ZMAT1: variants seen among roughly 807,000 people sequenced by gnomAD.
ZMAT1 encodes the protein zinc finger matrin-type protein 1.
ZMAT1 carries 11 observed loss-of-function variants against 18.5 expected under a neutral mutation model. The ratio of observed to expected loss-of-function variants is 0.59; its 90% CI spans 0.37 to 0.98. The LOEUF (loss-of-function observed/expected upper bound fraction) is 0.98. ZMAT1 is among the 50% of genes least tolerant of loss of function. ZMAT1 has a pLI of 0.01. For missense variants in ZMAT1, 525 were observed against 496.2 expected, an observed-to-expected ratio of 1.06 and a Z score of -0.55; for synonymous variants, 211 against 176.4, an observed-to-expected ratio of 1.20 and a Z score of -1.55.
rs1347736462 is a variant in ZMAT1, at chrX:101,886,634, A to T, written c.774T>A (p.Ile258=). 2.5e-6 allele frequency: 3 copies of T among 1,194,684 alleles called. No homozygotes were observed. In the East Asian group the frequency reaches 8.9e-5, roughly 35 times the overall value. Residue 258 remains isoleucine (I), a splice_region_variant and synonymous_variant, in exon 5 of 6, where the codon ATT becomes ATA. Transcript: ENST00000651725. Reference sequence around the variant, plus strand: ...AAAATTTTGGCAAAAATACTTACTTAATTTGATGTTCACTTCCTTGCATGT... The same window carrying T: ...AAAATTTTGGCAAAAATACTTACTTTATTTGATGTTCACTTCCTTGCATGT... ...RSHMQGSEHQ[I]KESIVINLVK...
chrX:101,890,931 TG>T (rs1927342454), intron 4 of ZMAT1, among the ~76,000 whole-genome samples: 1 of 111,156 alleles, frequency 9.0e-6, no homozygotes, highest in African/African-American at 3.3e-5. Flanking sequence ...AGAGGCAAAA[TG>T]GGTCAGATCA....
At chrX:101,922,544 C>T (rs1432156115) in intron 1 of ZMAT1, among the ~76,000 whole-genome samples, 8 of 110,372 alleles carry the variant, frequency 7.2e-5, no homozygotes, top group Non-Finnish European at 1.5e-4. Context: ...AGGCGTGCAC[C>T]ACCATGCCCG....
At chrX:101,890,521 T>C (rs187774436) in intron 4 of ZMAT1, among the ~76,000 whole-genome samples, 32 of 111,411 alleles carry the variant, frequency 2.9e-4, no homozygotes, top group Admixed American at 1.2e-3. Context: ...TCCAAATAAT[T>C]GGTTTAACAA....
chrX:101,883,262 C>G lies in ZMAT1; in HGVS notation c.*248G>C, dbSNP rs1926610142. 3.9e-6 allele frequency: 1 copy of G among 253,907 alleles called. No individual in the cohort carries two copies. The highest frequency in any genetic ancestry group is 2.9e-5 in the African/African-American group (1 of 35,035). The allele number at this position is 253,907 out of a possible 1,213,427, so 20.9% of individuals were successfully genotyped here. A position where few individuals can be genotyped will look rare whatever the true frequency, so the allele number is the denominator to read the frequency against. ...TCCAAAACACAGATTCTTGTCTTTTCTGTAACAGGTTTCCTTTTCTCTTAT... is the reference window on the plus strand; with the variant it reads ...TCCAAAACACAGATTCTTGTCTTTTGTGTAACAGGTTTCCTTTTCTCTTAT... On this transcript the variant is annotated 3_prime_UTR_variant, in exon 6 of 6. Transcript: ENST00000651725.
Position 101,883,389 on chromosome X carries a change from T to C in ZMAT1, c.*121A>G. On this transcript the variant is annotated 3_prime_UTR_variant, in exon 6 of 6. Coordinates refer to ENST00000651725, the MANE Select transcript of ZMAT1 (RefSeq NM_001394560.1). Reference sequence around the variant, plus strand: ...AATTTTTATACAAAAAAAACCTAAGTGTCCTGAAGTGACACTGACTGTATC... The same window carrying C: ...AATTTTTATACAAAAAAAACCTAAGCGTCCTGAAGTGACACTGACTGTATC... The C allele has an allele frequency of 4.3e-6, 2 of 469,170 alleles. No homozygotes were observed. The highest frequency in any genetic ancestry group is 6.4e-6 in the Non-Finnish European group (2 of 314,732). The allele number at this position is 469,170 out of a possible 1,213,427, so 38.7% of individuals were successfully genotyped here. A position where few individuals can be genotyped will look rare whatever the true frequency, so the allele number is the denominator to read the frequency against.
intron 1 of ZMAT1, among the ~76,000 whole-genome samples, chrX:101,917,407 C>T (rs186146212): frequency 3.2e-3 from 358 of 112,497 alleles, no homozygotes; most frequent in South Asian, 7.2e-3. Context: ...CAAAACAAGA[C>T]ATACAAATGG....
intron 4 of ZMAT1, chrX:101,894,749 T>C (rs1927678375): frequency 5.3e-6 from 4 of 752,101 alleles, no homozygotes; most frequent in Middle Eastern, 7.6e-4. Context: ...TGACAAAGAA[T>C]AGAGCTTCAA....
intron 4 of ZMAT1, among the ~76,000 whole-genome samples, chrX:101,893,277 T>C (rs1927555560): frequency 9.0e-6 from 1 of 111,627 alleles, no homozygotes; most frequent in Non-Finnish European, 1.9e-5. Flanking sequence ...AGTTCAAATT[T>C]ACCTAATGCT....
Position 101,883,858 on chromosome X carries a change from T to C in ZMAT1, c.1740A>G (p.Ser580=). Residue 580 remains serine, a synonymous_variant, in exon 6 of 6, where the codon TCA becomes TCG. Coordinates refer to ENST00000651725, the MANE Select transcript of ZMAT1 (RefSeq NM_001394560.1). ...CTTGATGGTCAGCAGTATTGTTTTC[T>C]GAAGAGAGGTGCTTGTAAACTTCAG... is the stretch of plus-strand genomic sequence containing the variant. ...VESEVYKHLS[S]ENNTADHQAG... 8.3e-7 allele frequency: 1 copy of C among 1,210,526 alleles called. No homozygotes were observed. The highest frequency in any genetic ancestry group is 2.3e-4 in the Middle Eastern group (1 of 4,343).
At chrX:101,910,561 T>A (rs1928895675) in intron 1 of ZMAT1, among the ~76,000 whole-genome samples, 1 of 112,294 alleles carries the variant, frequency 8.9e-6, no homozygotes, top group African/African-American at 3.2e-5. Context: ...TTGTATCAGA[T>A]AAATTTAACA....
chrX:101,910,267 C>A (rs1445942116), intron 1 of ZMAT1, among the ~76,000 whole-genome samples: 1 of 112,349 alleles, frequency 8.9e-6, no homozygotes, highest in Non-Finnish European at 1.9e-5. Context: ...ACACCCAGGT[C>A]CTTTCAAATA....
At chrX:101,931,412 G>A in intron 1 of ZMAT1, 1 of 746,944 alleles carries the variant, frequency 1.3e-6, no homozygotes, top group Non-Finnish European at 1.6e-6. Flanking sequence ...TCCTGGCTGG[G>A]AGAGAAATTA....
intron 1 of ZMAT1, among the ~76,000 whole-genome samples, chrX:101,913,020 GA>G (rs901304624): frequency 1.8e-5 from 2 of 109,633 alleles, no homozygotes; most frequent in African/African-American, 3.3e-5. Flanking sequence ...ATTCATGTTA[GA>G]AAAAAAAAGT....
At chrX:101,913,984 T>A (rs187479635) in intron 1 of ZMAT1, among the ~76,000 whole-genome samples, 1 of 111,690 alleles carries the variant, frequency 9.0e-6, no homozygotes, top group Admixed American at 9.5e-5. Flanking sequence ...TGAAATAATA[T>A]CAAGCATCTT....
intron 1 of ZMAT1, among the ~76,000 whole-genome samples, chrX:101,910,449 C>G (rs1438991186): frequency 1.8e-5 from 2 of 112,692 alleles, no homozygotes; most frequent in Non-Finnish European, 3.7e-5. Context: ...GGGACCAATC[C>G]TGGAGAAACA....
At position 101,882,362 on chromosome X, in the gene ZMAT1, G is replaced by A. The variant is rs1224988968; in HGVS notation, c.*1148C>T. 9.0e-6 allele frequency: 1 copy of A among 111,440 alleles called. No homozygotes were observed. Among genetic ancestry groups the A allele is most frequent in the Non-Finnish European group, 1.9e-5 (1 of 52,864 alleles). 9.2% of individuals were successfully genotyped at this position (111,440 alleles called of 1,213,427 possible). On this transcript the variant is annotated 3_prime_UTR_variant, in exon 6 of 6. Transcript: ENST00000651725. Reference sequence around the variant, plus strand: ...CCTTATATCAGTACTTTTTGAGACCGTTTTAAAACTATATATCATCTAAGT... The same window carrying A: ...CCTTATATCAGTACTTTTTGAGACCATTTTAAAACTATATATCATCTAAGT...
At chrX:101,931,552 T>C (rs1930486142) in intron 1 of ZMAT1, 165 bp downstream of exon 1, 16 of 712,825 alleles carry the variant, frequency 2.2e-5, no homozygotes, top group Non-Finnish European at 2.5e-5. Context: ...TCTTGCACAC[T>C]CGGGGCTAAT....
At chrX:101,929,418 AGAGATTATATAT>A (rs1178248513) in intron 1 of ZMAT1, among the ~76,000 whole-genome samples, 1 of 35,024 alleles carries the variant, frequency 2.9e-5, no homozygotes, top group Non-Finnish European at 6.0e-5. Context: ...ATATATAGAG[AGAGATTATATAT>A]ATATATATAT....
chrX:101,931,590 G>C (rs1172688676), intron 1 of ZMAT1, 127 bp downstream of exon 1: 23 of 646,566 alleles, frequency 3.6e-5, no homozygotes, highest in Non-Finnish European at 4.1e-5. Context: ...GGCGAGCTTG[G>C]CCTTTACTGC....
Sources: gnomAD v4.1 joint callset for allele counts (sites outside exome capture counted in the v4.1 genomes callset) on GRCh38, gnomAD v4.1.1 for gene constraint, MANE v1.5 for transcripts, NCBI Gene and HGNC (gene_info 2026-07-23, HGNC 2026-07-21) for gene names.